CCSER1: variants seen among roughly 807,000 people sequenced by gnomAD.
CCSER1 encodes coiled-coil serine rich protein 1, also known as serine-rich coiled-coil domain-containing protein 1.
In CCSER1, 41 loss-of-function variants were observed where a neutral mutation model predicts 82.0. The observed-to-expected ratio is 0.50, with a 90% CI of 0.39 to 0.65. CCSER1 has a LOEUF of 0.65. CCSER1 is among the 30% of genes least tolerant of loss of function. The pLI, the probability that CCSER1 is intolerant of heterozygous loss-of-function variation, is 0.00. For missense variants in CCSER1, 1,119 were observed against 1,064.2 expected, an observed-to-expected ratio of 1.05 and a Z score of -0.72; for synonymous variants, 414 against 383.9, an observed-to-expected ratio of 1.08 and a Z score of -0.92.
rs139988812 is a variant in CCSER1 at position 91,087,546 on chromosome 4, T to C, written c.2217+1552T>C. ...TGTTTAAATTAATTTTAGAAGTATA[T>C]TGTTCTCAAAACTATTTTGTGATTT... On this transcript the variant is annotated intron_variant, in intron 10 of 10. Transcript: ENST00000509176. Among the ~76,000 whole-genome samples the C allele has an allele frequency of 3.5e-4, 53 of 152,232 alleles. No individual in the cohort carries two copies. In the East Asian group the frequency reaches 9.5e-3, roughly 27 times the overall value.
At chr4:90,402,962 T>A (rs1448787600) in intron 4 of CCSER1, among the ~76,000 whole-genome samples, 1 of 152,196 alleles carries the variant, frequency 6.6e-6, no homozygotes, top group Non-Finnish European at 1.5e-5. Flanking sequence ...GTTCACAAGA[T>A]AAATGGTATT....
At chr4:90,641,647 A>G (rs972481299) in intron 6 of CCSER1, among the ~76,000 whole-genome samples, 10 of 152,128 alleles carry the variant, frequency 6.6e-5, no homozygotes, top group Admixed American at 1.3e-4. Context: ...TATGCTGTCA[A>G]TGTATCTTCT....
At chr4:90,884,280 A>C (rs1721787437) in intron 8 of CCSER1, among the ~76,000 whole-genome samples, 1 of 152,182 alleles carries the variant, frequency 6.6e-6, no homozygotes, top group African/African-American at 2.4e-5. Context: ...TATTTATTTT[A>C]AAATTAAATA....
chr4:90,970,844 A>G (rs1735032912), intron 9 of CCSER1, among the ~76,000 whole-genome samples: 1 of 151,984 alleles, frequency 6.6e-6, no homozygotes, highest in Non-Finnish European at 1.5e-5. Context: ...AGTTGAATCT[A>G]AAGGGAAATA....
At chr4:91,019,872 C>G (rs1739769426) in intron 9 of CCSER1, among the ~76,000 whole-genome samples, 1 of 152,210 alleles carries the variant, frequency 6.6e-6, no homozygotes, top group South Asian at 2.1e-4. Context: ...TCACACATTG[C>G]TATTTCTTTT....
At chr4:90,469,724 T>TTA (rs1320680220) in intron 5 of CCSER1, among the ~76,000 whole-genome samples, 1 of 152,090 alleles carries the variant, frequency 6.6e-6, no homozygotes, top group Non-Finnish European at 1.5e-5. Context: ...TGACTTATGG[T>TTA]TATATATTCT....
intron 7 of CCSER1, among the ~76,000 whole-genome samples, chr4:90,746,923 T>C (rs1747576257): frequency 6.6e-6 from 1 of 152,216 alleles, no homozygotes; most frequent in Non-Finnish European, 1.5e-5. Flanking sequence ...ACTCAGGTCC[T>C]AAAAATTCTG....
At chr4:90,358,290 C>G (rs1216581960) in intron 3 of CCSER1, among the ~76,000 whole-genome samples, 1 of 152,040 alleles carries the variant, frequency 6.6e-6, no homozygotes, top group Non-Finnish European at 1.5e-5. Flanking sequence ...GTTACACATT[C>G]CATGTAGTCA....
At chr4:90,426,265 AC>A (rs1311487124) in intron 4 of CCSER1, among the ~76,000 whole-genome samples, 26 of 152,314 alleles carry the variant, frequency 1.7e-4, no homozygotes, top group Admixed American at 1.5e-3. Context: ...TCACTATTCA[AC>A]TAACAAAATA....
chr4:90,799,079 A>G (rs1298768635), intron 7 of CCSER1, among the ~76,000 whole-genome samples: 1 of 152,144 alleles, frequency 6.6e-6, no homozygotes, highest in Non-Finnish European at 1.5e-5. Flanking sequence ...GGTGAAGGCA[A>G]CACAGCTTGG....
chr4:90,626,769 A>G (rs569034432), intron 5 of CCSER1, among the ~76,000 whole-genome samples: 1 of 152,274 alleles, frequency 6.6e-6, no homozygotes, highest in Middle Eastern at 3.4e-3. Flanking sequence ...ACTAACCTTA[A>G]AGAATTGTTG....
chr4:90,373,968 G>A (rs1311728064), intron 3 of CCSER1, among the ~76,000 whole-genome samples: 1 of 152,142 alleles, frequency 6.6e-6, no homozygotes, highest in African/African-American at 2.4e-5. Context: ...CAAAGAAAAT[G>A]CCGATACTCT....
At position 91,474,789 on chromosome 4, in the gene CCSER1, A is replaced by G. The variant is rs1172151359; in HGVS notation, c.2218-123783A>G. Among the ~76,000 whole-genome samples the G allele has an allele frequency of 8.6e-3, 457 of 53,058 alleles. 2 individuals carry two copies. The highest frequency in any genetic ancestry group is 0.023 in the African/African-American group (423 of 18,218). 34.8% of individuals were successfully genotyped at this position (53,058 alleles called of 152,430 possible). A position where few individuals can be genotyped will look rare whatever the true frequency, so the allele number is the denominator to read the frequency against. On this transcript the variant is annotated intron_variant, in intron 10 of 10. Coordinates refer to ENST00000509176, the MANE Select transcript of CCSER1 (RefSeq NM_001145065.2). ...TGTGTATATATATATATATTTGTGT[A>G]TATATATATATATATATATATATAC...
intron 6 of CCSER1, among the ~76,000 whole-genome samples, chr4:90,665,921 C>T (rs1347034607): frequency 6.6e-6 from 1 of 151,992 alleles, no homozygotes; most frequent in Non-Finnish European, 1.5e-5. Flanking sequence ...GGAAAAGGGA[C>T]TCTGTTTCCA....
At chr4:90,262,908 G>C (rs1247874183) in intron 1 of CCSER1, among the ~76,000 whole-genome samples, 1 of 152,154 alleles carries the variant, frequency 6.6e-6, no homozygotes, top group Non-Finnish European at 1.5e-5. Flanking sequence ...TGCTCCTCCT[G>C]TGGGGACATA....
chr4:90,502,737 A>G lies in CCSER1; in HGVS notation c.1724+34383A>G, dbSNP rs952907266. ...TGAGAAAAAATATACATATATGTAT[A>G]TATCTTGGATATTTATTTTTAATTA... On this transcript the variant is annotated intron_variant, in intron 5 of 10. Coordinates refer to ENST00000509176, the MANE Select transcript of CCSER1 (RefSeq NM_001145065.2). Among the ~76,000 whole-genome samples the G allele has an allele frequency of 3.3e-5, 5 of 152,326 alleles. No individual in the cohort carries two copies. In the East Asian group the frequency reaches 7.7e-4, roughly 24 times the overall value.
intron 6 of CCSER1, among the ~76,000 whole-genome samples, chr4:90,638,766 G>C (rs1725928312): frequency 6.6e-6 from 1 of 152,030 alleles, no homozygotes; most frequent in Non-Finnish European, 1.5e-5. Flanking sequence ...CAGTCCTCTT[G>C]GAGAGATTAG....
chr4:91,378,481 G>GATTATTTTATTTT lies in CCSER1; in HGVS notation c.2218-220088_2218-220087insATTTTATTTTATT. Among the ~76,000 whole-genome samples, 4 of 152,276 alleles carry GATTATTTTATTTT rather than the reference G, an allele frequency of 2.6e-5. No individual in the cohort carries two copies. In the East Asian group the frequency reaches 7.7e-4, roughly 29 times the overall value. On this transcript the variant is annotated intron_variant, in intron 10 of 10. Transcript: ENST00000509176. ...AGTCCTTCACATTCCTTGTAAGTTG[G>GATTATTTTATTTT]ATTCCTAAGTATTTTATTCTCTTTG...
intron 5 of CCSER1, among the ~76,000 whole-genome samples, chr4:90,543,988 ATCT>A (rs1776436697): frequency 1.3e-5 from 2 of 152,126 alleles, no homozygotes; most frequent in Non-Finnish European, 2.9e-5. Context: ...GATATGAGGC[ATCT>A]GTGTCAGAGA....
Sources: gnomAD v4.1 joint callset for allele counts (sites outside exome capture counted in the v4.1 genomes callset) on GRCh38, gnomAD v4.1.1 for gene constraint, MANE v1.5 for transcripts, NCBI Gene and HGNC (gene_info 2026-07-23, HGNC 2026-07-21) for gene names.